Variants in VIPR2 observed in about 807,000 individuals in gnomAD.
VIPR2 encodes vasoactive intestinal peptide receptor 2.
In VIPR2, 48 loss-of-function variants were observed where a neutral mutation model predicts 58.0. The ratio of observed to expected loss-of-function variants is 0.83; its 90% CI spans 0.66 to 1.05. VIPR2 has a LOEUF of 1.05. Among genes scored for constraint, VIPR2 ranks in the 50% least tolerant of loss-of-function variants. The probability of loss-of-function intolerance (pLI) is 0.00; values close to 1 mark genes in which losing one functional copy is unlikely to be tolerated. For synonymous variants in VIPR2, 243 were observed against 235.2 expected, an observed-to-expected ratio of 1.03 and a Z score of -0.30; for missense variants, 534 against 558.0, an observed-to-expected ratio of 0.96 and a Z score of 0.43.
At chr7:159,053,110 T>TC (rs1332532349) in intron 5 of VIPR2, among the ~76,000 whole-genome samples, 2 of 152,124 alleles carry the variant, frequency 1.3e-5, no homozygotes, top group Non-Finnish European at 2.9e-5. Context: ...AAGAGGTTTG[T>TC]CTTTTTTTTT....
Position 159,036,750 on chromosome 7 carries a change from A to G in VIPR2, c.748+2T>C. 2 of 1,612,244 alleles carry G rather than the reference A, an allele frequency of 1.2e-6. No homozygotes were observed. Among genetic ancestry groups the G allele is most frequent in the South Asian group, 1.1e-5 (1 of 90,788 alleles). On this transcript the variant is annotated splice_donor_variant, in intron 7 of 12. Coordinates refer to ENST00000262178, the MANE Select transcript of VIPR2 (RefSeq NM_003382.5). LOFTEE classifies it high-confidence loss of function. ...TTTGTGGGTGGGAAGGGGCACACTT[A>G]CCCCATCCGATCAGGAGGTAGGCCA...
Position 159,130,572 on chromosome 7 carries a change from G to A in VIPR2, c.151+11874C>T, listed in dbSNP as rs115365589. ...GGACCATTTCCCACACCCCTGTGAC[G>A]GCACCCCAGCCAATCAGCAGCAAGC... On this transcript the variant is annotated intron_variant, in intron 2 of 12. Coordinates refer to ENST00000262178, the MANE Select transcript of VIPR2 (RefSeq NM_003382.5). Among the ~76,000 whole-genome samples, 474 of 151,712 alleles carry A rather than the reference G, an allele frequency of 3.1e-3. 2 individuals are homozygous for A. The highest frequency in any genetic ancestry group is 0.01 in the African/African-American group (423 of 41,386).
intron 4 of VIPR2, among the ~76,000 whole-genome samples, chr7:159,101,783 C>T (rs563481963): frequency 7.0e-4 from 79 of 113,430 alleles, no homozygotes; most frequent in African/African-American, 2.7e-3. Context: ...TGACAGTGAA[C>T]GGGTCTCACG....
At position 159,034,317 on chromosome 7, in the gene VIPR2, T is replaced by C; in HGVS notation, c.880-13A>G. 4 of 1,612,676 alleles carry C rather than the reference T, an allele frequency of 2.5e-6. No homozygotes were observed. Among genetic ancestry groups the C allele is most frequent in the Non-Finnish European group, 3.4e-6 (4 of 1,179,088 alleles). ...GGACAAAATTGACCTGCACAAGAGA[T>C]AATAAGTTTGTGAAACAGACACGTG... On this transcript the variant is annotated splice_polypyrimidine_tract_variant and intron_variant, in intron 9 of 12. Transcript: ENST00000262178.
intron 8 of VIPR2, chr7:159,035,636 A>C (rs1853892685): frequency 1.0e-6 from 1 of 961,656 alleles, no homozygotes; most frequent in African/African-American, 1.8e-5. Context: ...AACAACATGC[A>C]GGGCACTTGG....
chr7:159,124,271 T>A (rs1388296508), intron 2 of VIPR2, among the ~76,000 whole-genome samples: 3 of 152,252 alleles, frequency 2.0e-5, no homozygotes, highest in African/African-American at 7.2e-5. Flanking sequence ...AGGGCTTTTA[T>A]AGTTTGGGGT....
chr7:159,141,081 C>T (rs138785969), intron 2 of VIPR2, among the ~76,000 whole-genome samples: 2,672 of 152,334 alleles, frequency 0.018, 68 homozygotes, highest in African/African-American at 0.06. Context: ...CCTGTCTCTC[C>T]TCAGGACTAC....
At chr7:159,113,807 T>G (rs369696880) in intron 2 of VIPR2, among the ~76,000 whole-genome samples, 57 of 152,254 alleles carry the variant, frequency 3.7e-4, no homozygotes, top group African/African-American at 1.3e-3. Context: ...ACAGGAGAGA[T>G]AGATCTTTAT....
intron 2 of VIPR2, among the ~76,000 whole-genome samples, chr7:159,132,209 A>T (rs1335200875): frequency 6.9e-6 from 1 of 144,502 alleles, no homozygotes; most frequent in East Asian, 2.0e-4. Flanking sequence ...CAGAAGTGAG[A>T]TCCCCAGGAG....
At chr7:159,032,195 G>C in intron 10 of VIPR2, 128 bp from the exon 11 acceptor site, 1 of 1,322,756 alleles carries the variant, frequency 7.6e-7, no homozygotes, top group Non-Finnish European at 1.0e-6. Context: ...CACTGCTGGA[G>C]TCCCCGCCCA....
chr7:159,051,321 TG>T (rs1432089524), intron 5 of VIPR2, among the ~76,000 whole-genome samples: 5 of 152,298 alleles, frequency 3.3e-5, no homozygotes, highest in African/African-American at 1.2e-4. Context: ...TTGAATTGAC[TG>T]GAAAGTGGTA....
intron 4 of VIPR2, among the ~76,000 whole-genome samples, chr7:159,062,705 C>CA (rs1185351453): frequency 2.0e-5 from 3 of 152,038 alleles, no homozygotes; most frequent in Admixed American, 2.0e-4. Flanking sequence ...TTACAAAGGG[C>CA]AAAAGAACAC....
intron 4 of VIPR2, among the ~76,000 whole-genome samples, chr7:159,088,066 G>A (rs1370382039): frequency 6.6e-6 from 1 of 152,224 alleles, no homozygotes; most frequent in Admixed American, 6.5e-5. Flanking sequence ...ACCCCTGAAG[G>A]CACTGAGCCT....
At position 159,073,698 on chromosome 7, in the gene VIPR2, C is replaced by T. The variant is rs576367846; in HGVS notation, c.358-15120G>A. 1.6e-3 allele frequency among the ~76,000 whole-genome samples: 236 copies of T among 152,222 alleles called. 2 individuals are homozygous for T. In the Middle Eastern group the frequency reaches 0.027, roughly 18 times the overall value. The stretch of plus-strand genomic sequence containing the variant: ...TGCTATGATTACAGGCGTGAGCCAC[C>T]GTGCTCAGCCTATCCTTTTTTTTTT... On this transcript the variant is annotated intron_variant, in intron 4 of 12. Transcript: ENST00000262178.
chr7:159,047,275 C>A (rs1854716162), intron 5 of VIPR2, among the ~76,000 whole-genome samples: 1 of 152,066 alleles, frequency 6.6e-6, no homozygotes, highest in African/African-American at 2.4e-5. Context: ...TATAAAGGAT[C>A]CTTTAATTTA....
chr7:159,082,618 TA>T (rs537583906), intron 4 of VIPR2, among the ~76,000 whole-genome samples: 114 of 152,114 alleles, frequency 7.5e-4, no homozygotes, highest in African/African-American at 2.7e-3. Context: ...TAAAGTATAA[TA>T]AAAAAAAGAA....
chr7:159,109,754 T>C, intron 3 of VIPR2, 58 bp downstream of exon 3: 5 of 1,505,370 alleles, frequency 3.3e-6, no homozygotes, highest in Non-Finnish European at 3.7e-6. Context: ...ATGGAAAAAA[T>C]GGACGCTCAG....
In VIPR2 at chr7:159,144,862, G is replaced by T; in HGVS notation, c.-91C>A. On this transcript the variant is annotated 5_prime_UTR_variant, in exon 1 of 13. Transcript: ENST00000262178. The stretch of plus-strand genomic sequence containing the variant: ...GCCGCCTCCAGCATGGGCCGGGAGC[G>T]AGTGCGCGGAGACCTCGGGCCCCGC... 2 of 1,162,040 alleles carry T rather than the reference G, an allele frequency of 1.7e-6. No homozygotes were observed. Among genetic ancestry groups the T allele is most frequent in the Non-Finnish European group, 1.1e-6 (1 of 926,808 alleles). 72.0% of individuals were successfully genotyped at this position (1,162,040 alleles called of 1,614,324 possible).
chr7:159,082,890 A>G lies in VIPR2; in HGVS notation c.357+20867T>C, dbSNP rs150172416. On this transcript the variant is annotated intron_variant, in intron 4 of 12. Transcript: ENST00000262178. ...GCTCAAGACCATTCCCAGTGTATCA[A>G]TGGGTCACCGAATGTGTGATGAACA... Among the ~76,000 whole-genome samples, 624 of 152,368 alleles carry G rather than the reference A, an allele frequency of 4.1e-3. 3 individuals carry two copies. Among genetic ancestry groups the G allele is most frequent in the African/African-American group, 0.014 (563 of 41,594 alleles).
Sources: allele counts gnomAD v4.1 joint callset (sites outside exome capture counted in the v4.1 genomes callset), GRCh38; gene constraint gnomAD v4.1.1; transcripts MANE v1.5; gene names NCBI Gene and HGNC (gene_info 2026-07-23, HGNC 2026-07-21).